ANKS1B: variants seen among roughly 807,000 people sequenced by gnomAD.
ANKS1B encodes the protein ankyrin repeat and sterile alpha motif domain-containing protein 1B.
Under a neutral mutation model 148.3 loss-of-function variants are expected in ANKS1B, and 36 were observed. The ratio of observed to expected loss-of-function variants is 0.24; its 90% CI spans 0.19 to 0.32. ANKS1B has a LOEUF of 0.32. Among genes scored for constraint, ANKS1B ranks in the 10% least tolerant of loss-of-function variants. The pLI is 1.00. For missense variants in ANKS1B, 1,157 were observed against 1,542.6 expected (o/e 0.75, Z 4.19); for synonymous variants, 542 against 560.8 (o/e 0.97, Z 0.47).
chr12:99,726,943 T>C (rs912691257), intron 8 of ANKS1B, among the ~76,000 whole-genome samples: 17 of 152,140 alleles, frequency 1.1e-4, no homozygotes, highest in African/African-American at 4.1e-4. Context: ...TCAACATGTC[T>C]TCATATTAAA....
chr12:99,962,810 C>CTTTT (rs1010885602), intron 1 of ANKS1B, among the ~76,000 whole-genome samples: 35 of 120,706 alleles, frequency 2.9e-4, no homozygotes, highest in Non-Finnish European at 4.2e-4. Context: ...TGATGTTGAG[C>CTTTT]TTTTTTTTTT....
rs140579208 is a variant in ANKS1B at position 98,787,754 on chromosome 12, T to C, written c.3343-5617A>G. Among the ~76,000 whole-genome samples the C allele has an allele frequency of 4.3e-3, 650 of 151,626 alleles. 12 individuals carry two copies. The highest frequency in any genetic ancestry group is 0.015 in the African/African-American group (608 of 41,320). On this transcript the variant is annotated intron_variant, in intron 22 of 26. Coordinates refer to ENST00000683438, the MANE Select transcript of ANKS1B (RefSeq NM_001352186.2). ...GGGCAACACAGTGAAACCCCATCTA[T>C]ACTAAAATACAAATAATTAGCCGGG...
chr12:99,760,032 T>C (rs1056563373), intron 8 of ANKS1B, among the ~76,000 whole-genome samples: 22 of 151,942 alleles, frequency 1.4e-4, no homozygotes, highest in Admixed American at 3.3e-4. Flanking sequence ...TGTCATAAAG[T>C]TCAAAACATA....
At chr12:98,870,042 G>T (rs144947807) in intron 17 of ANKS1B, among the ~76,000 whole-genome samples, 2 of 152,292 alleles carry the variant, frequency 1.3e-5, no homozygotes, top group South Asian at 2.1e-4. Flanking sequence ...CCCAGCTCTG[G>T]CATGGCCACT....
chr12:99,154,734 G>A (rs2075789992), intron 14 of ANKS1B: 2 of 1,439,738 alleles, frequency 1.4e-6, no homozygotes, highest in South Asian at 1.5e-5. Context: ...TGCGTTCTAT[G>A]TGATTGTTGG....
chr12:99,857,237 C>T (rs952510569), intron 1 of ANKS1B, among the ~76,000 whole-genome samples: 4 of 152,026 alleles, frequency 2.6e-5, no homozygotes, highest in African/African-American at 9.7e-5. Flanking sequence ...TATACATCAA[C>T]AGTTTCCAAG....
At chr12:99,287,901 T>C (rs2079354568) in intron 12 of ANKS1B, among the ~76,000 whole-genome samples, 1 of 152,010 alleles carries the variant, frequency 6.6e-6, no homozygotes, top group African/African-American at 2.4e-5. Flanking sequence ...GAATGAAGAA[T>C]GCCCATAAGA....
Position 99,399,723 on chromosome 12 carries a change from C to G in ANKS1B, c.1664G>C (p.Gly555Ala), listed in dbSNP as rs768420955. 2.5e-6 allele frequency: 4 copies of G among 1,613,362 alleles called. No individual in the cohort carries two copies. The highest frequency in any genetic ancestry group is 1.1e-5 in the South Asian group (1 of 91,068). ...QEYFEINTST[G>A]CTSFTASPPA... The stretch of plus-strand genomic sequence containing the variant: ...AGGACTGGCAGTAAAGCTTGTGCAC[C>G]CTGTAGATGTGTTGATTTCAAAATA... Residue 555 changes from glycine (G) to alanine (A), a missense_variant, in exon 12 of 27, where the codon GGG (glycine) becomes GCG (alanine). This residue lies in a region of ANKS1B where 661 missense variants were observed against 642.1 expected (regional missense o/e 1.03). Transcript: ENST00000683438.
chr12:98,963,429 T>C (rs896450972), intron 17 of ANKS1B, among the ~76,000 whole-genome samples: 1 of 152,136 alleles, frequency 6.6e-6, no homozygotes, highest in African/African-American at 2.4e-5. Context: ...CCACCTGCTA[T>C]GGCCTCCCAA....
At chr12:99,872,772 CTTCTCT>C (rs1390900066) in intron 1 of ANKS1B, among the ~76,000 whole-genome samples, 1 of 152,126 alleles carries the variant, frequency 6.6e-6, no homozygotes, top group African/African-American at 2.4e-5. Flanking sequence ...AATGTTGCCT[CTTCTCT>C]TTATAATCTA....
At chr12:99,122,993 A>ATATATATATAT (rs57985878) in intron 15 of ANKS1B, among the ~76,000 whole-genome samples, 104 of 138,186 alleles carry the variant, frequency 7.5e-4, no homozygotes, top group African/African-American at 1.6e-3. Flanking sequence ...AAAATTAAAA[A>ATATATATATAT]AAAAATATAT....
intron 17 of ANKS1B, among the ~76,000 whole-genome samples, chr12:99,017,773 C>A (rs1330167435): frequency 6.6e-6 from 1 of 152,132 alleles, no homozygotes; most frequent in East Asian, 1.9e-4. Context: ...TTCTCCACTG[C>A]AATACTGTGG....
At chr12:99,615,900 T>G (rs2097953738) in intron 9 of ANKS1B, among the ~76,000 whole-genome samples, 1 of 152,140 alleles carries the variant, frequency 6.6e-6, no homozygotes. Context: ...AACCCTATCA[T>G]CTCAGCCCAA....
At position 99,169,411 on chromosome 12, in the gene ANKS1B, T is replaced by C. The variant is rs1485286706; in HGVS notation, c.2420-15016A>G. Among the ~76,000 whole-genome samples the C allele has an allele frequency of 3.9e-5, 6 of 152,236 alleles. No homozygotes were observed. The South Asian group carries it at 1.0e-3, about 26-fold the overall frequency. ...GCAGGAAAATGACATTTGGAAAGGA[T>C]GAAGGAAAACTTCTGAACAAGAGTT... is the stretch of plus-strand genomic sequence containing the variant. On this transcript the variant is annotated intron_variant, in intron 14 of 26. Transcript: ENST00000683438.
At chr12:99,837,026 G>A (rs1160660603) in intron 1 of ANKS1B, among the ~76,000 whole-genome samples, 5 of 152,096 alleles carry the variant, frequency 3.3e-5, no homozygotes, top group East Asian at 1.9e-4. Flanking sequence ...GACTTACATT[G>A]CTAATCAGCT....
At chr12:99,247,700 C>T (rs896725624) in intron 12 of ANKS1B, among the ~76,000 whole-genome samples, 3 of 152,040 alleles carry the variant, frequency 2.0e-5, no homozygotes, top group African/African-American at 7.2e-5. Context: ...TAAAATACAC[C>T]ATGCTTTTTG....
intron 11 of ANKS1B, among the ~76,000 whole-genome samples, chr12:99,412,472 C>T (rs73151180): frequency 0.1 from 15,916 of 152,246 alleles, 828 homozygotes; most frequent in Non-Finnish European, 0.13. Flanking sequence ...GCTTGAGATT[C>T]TTCGCAGAGG....
At chr12:99,923,750 C>T (rs932558111) in intron 1 of ANKS1B, among the ~76,000 whole-genome samples, 3 of 152,010 alleles carry the variant, frequency 2.0e-5, no homozygotes, top group African/African-American at 4.8e-5. Context: ...TTTATTTCTA[C>T]GTTAGTGGAC....
intron 19 of ANKS1B, among the ~76,000 whole-genome samples, chr12:98,813,025 G>A (rs2099110294): frequency 6.6e-6 from 1 of 152,016 alleles, no homozygotes; most frequent in African/African-American, 2.4e-5. Flanking sequence ...ACTGAGTGCT[G>A]GAATTAATTT....
Sources: allele counts gnomAD v4.1 joint callset (sites outside exome capture counted in the v4.1 genomes callset), GRCh38; gene constraint gnomAD v4.1.1; regional missense constraint gnomAD v4.1.1; transcripts MANE v1.5; gene names NCBI Gene and HGNC (gene_info 2026-07-23, HGNC 2026-07-21).